Variants in GABRG3 observed in about 807,000 individuals in gnomAD.
GABRG3 encodes the protein gamma-aminobutyric acid type A receptor subunit gamma3.
In GABRG3, 25 loss-of-function variants were observed where a neutral mutation model predicts 48.8. The ratio of observed to expected loss-of-function variants is 0.51; its 90% CI spans 0.37 to 0.72. The LOEUF (loss-of-function observed/expected upper bound fraction) is 0.72. GABRG3 is among the 30% of genes least tolerant of loss of function. GABRG3 has a pLI of 0.00. For missense variants in GABRG3, 394 were observed against 577.9 expected (o/e 0.68, Z 3.26); for synonymous variants, 227 against 217.6 (o/e 1.04, Z -0.38).
At chr15:27,463,773 G>A (rs1156335329) in intron 5 of GABRG3, among the ~76,000 whole-genome samples, 1 of 152,186 alleles carries the variant, frequency 6.6e-6, no homozygotes, top group Non-Finnish European at 1.5e-5. Flanking sequence ...GAAAAGCTTG[G>A]CAATTTAGAA....
chr15:27,268,443 A>G (rs916684746), intron 3 of GABRG3, among the ~76,000 whole-genome samples: 1 of 152,062 alleles, frequency 6.6e-6, no homozygotes, highest in South Asian at 2.1e-4. Context: ...CTGGATATAG[A>G]TTTGTCAATT....
intron 5 of GABRG3, among the ~76,000 whole-genome samples, chr15:27,338,276 T>C (rs915342570): frequency 2.6e-4 from 40 of 152,158 alleles, no homozygotes; most frequent in Admixed American, 2.6e-4. Flanking sequence ...AACACACTTC[T>C]TGTGGACGTG....
chr15:27,282,513 T>G (rs1891469314), intron 3 of GABRG3, among the ~76,000 whole-genome samples: 1 of 152,194 alleles, frequency 6.6e-6, no homozygotes, highest in Non-Finnish European at 1.5e-5. Context: ...TTAGTAAGGT[T>G]TTAAAGTAGT....
chr15:27,507,054 C>T (rs1485617107), intron 6 of GABRG3, among the ~76,000 whole-genome samples: 7 of 152,010 alleles, frequency 4.6e-5, no homozygotes, highest in South Asian at 4.1e-4. Flanking sequence ...TTTTTAATTT[C>T]CCCTGAGATT....
intron 3 of GABRG3, among the ~76,000 whole-genome samples, chr15:27,055,186 G>A (rs1045368657): frequency 2.6e-5 from 4 of 152,022 alleles, no homozygotes; most frequent in South Asian, 2.1e-4. Context: ...TCCGCGTCCC[G>A]CACCGGAGCA....
chr15:27,312,762 G>GGGAA (rs1436006910), intron 3 of GABRG3, among the ~76,000 whole-genome samples: 9 of 152,026 alleles, frequency 5.9e-5, no homozygotes, highest in Admixed American at 2.0e-4. Context: ...CCTGCCTTAC[G>GGGAA]GGAAATGTTA....
intron 3 of GABRG3, chr15:27,271,427 C>A: frequency 5.1e-6 from 2 of 391,670 alleles, no homozygotes; most frequent in South Asian, 1.9e-5. Flanking sequence ...GCTGGTATGC[C>A]AGGTGCTGCA....
At chr15:27,351,074 TGTGTGTGTATA>T (rs1454756683) in intron 5 of GABRG3, among the ~76,000 whole-genome samples, 14 of 150,342 alleles carry the variant, frequency 9.3e-5, no homozygotes, top group African/African-American at 1.5e-4. Context: ...GTGTATGGTA[TGTGTGTGTATA>T]GTGTGTGTAT....
At chr15:27,203,249 A>G (rs1334837260) in intron 3 of GABRG3, among the ~76,000 whole-genome samples, 2 of 152,106 alleles carry the variant, frequency 1.3e-5, no homozygotes, top group Non-Finnish European at 2.9e-5. Context: ...CTTTGTGTCC[A>G]TGTGTACTCG....
intron 2 of GABRG3, among the ~76,000 whole-genome samples, chr15:27,010,280 C>G (rs2140665742): frequency 6.6e-6 from 1 of 152,300 alleles, no homozygotes. Flanking sequence ...GAATTTTGTC[C>G]TCTCTCTGTT....
In GABRG3 at chr15:27,537,081, G is replaced by A. The variant is rs911650972; in HGVS notation, c.*4200G>A. On this transcript the variant is annotated 3_prime_UTR_variant, in exon 10 of 10. Transcript: ENST00000615808. ...CTCTTTTTGAGTGCTTTTCCTGAGC[G>A]ATTTTAAACTCTACCCGTAAGAAAT... The A allele has an allele frequency of 6.9e-6, 1 of 145,448 alleles. No individual in the cohort carries two copies. The highest frequency in any genetic ancestry group is 1.5e-5 in the Non-Finnish European group (1 of 67,066). 9.0% of individuals were successfully genotyped at this position (145,448 alleles called of 1,614,324 possible). A position where few individuals can be genotyped will look rare whatever the true frequency, so the allele number is the denominator to read the frequency against.
At chr15:27,125,392 CAA>C (rs1331585564) in intron 3 of GABRG3, among the ~76,000 whole-genome samples, 1 of 151,944 alleles carries the variant, frequency 6.6e-6, no homozygotes, top group Non-Finnish European at 1.5e-5. Flanking sequence ...TTAATGCGCA[CAA>C]AGTTATAGCC....
At chr15:27,408,344 G>T (rs902013544) in intron 5 of GABRG3, among the ~76,000 whole-genome samples, 2 of 152,146 alleles carry the variant, frequency 1.3e-5, no homozygotes, top group Admixed American at 1.3e-4. Flanking sequence ...ACATATAAAT[G>T]AAAATATAGT....
chr15:26,992,616 T>C (rs550015706), intron 2 of GABRG3, among the ~76,000 whole-genome samples: 1 of 152,280 alleles, frequency 6.6e-6, no homozygotes, highest in East Asian at 1.9e-4. Context: ...GAATTCTGTT[T>C]GTTTGTATTT....
At chr15:27,362,722 T>C (rs1895064025) in intron 5 of GABRG3, 1 of 152,188 alleles carries the variant, frequency 6.6e-6, no homozygotes, top group African/African-American at 2.4e-5. Flanking sequence ...AGGAGCCTTT[T>C]ACTCAGAGGC....
intron 5 of GABRG3, chr15:27,366,198 G>A (rs1895192914): frequency 2.0e-5 from 3 of 152,126 alleles, no homozygotes; most frequent in African/African-American, 2.4e-5. Flanking sequence ...TTTAAATAGA[G>A]GGCACGCAGG....
At chr15:27,459,038 C>T (rs899603751) in intron 5 of GABRG3, among the ~76,000 whole-genome samples, 25 of 152,334 alleles carry the variant, frequency 1.6e-4, no homozygotes, top group Middle Eastern at 3.4e-3. Context: ...CTTCCAACAC[C>T]CATAAGTCTT....
intron 3 of GABRG3, among the ~76,000 whole-genome samples, chr15:27,082,535 T>G (rs1566929926): frequency 6.6e-6 from 1 of 152,172 alleles, no homozygotes; most frequent in African/African-American, 2.4e-5. Flanking sequence ...CTGCATTAAA[T>G]GGAACCTGAT....
At chr15:27,052,697 T>C (rs569516350) in intron 3 of GABRG3, among the ~76,000 whole-genome samples, 241 of 152,280 alleles carry the variant, frequency 1.6e-3, no homozygotes, top group African/African-American at 5.2e-3. Context: ...AAAGTCTAGA[T>C]ACAGTGGACA....
Sources: allele counts gnomAD v4.1 joint callset (sites outside exome capture counted in the v4.1 genomes callset), GRCh38; gene constraint gnomAD v4.1.1; transcripts MANE v1.5; gene names NCBI Gene and HGNC (gene_info 2026-07-23, HGNC 2026-07-21).